The following COL22A1 variants were observed in gnomAD, a reference collection of about 807,000 sequenced individuals.
COL22A1 encodes the protein collagen type XXII alpha 1 chain.
COL22A1 carries 221 observed loss-of-function variants against 248.9 expected under a neutral mutation model. That is an observed-to-expected ratio of 0.89 (90% CI 0.80 to 0.99). The LOEUF (loss-of-function observed/expected upper bound fraction) is 0.99, where lower values mean the gene tolerates loss of function less well. Ranked by LOEUF, COL22A1 falls within the 50% of genes least tolerant of loss-of-function variation. COL22A1 has a pLI of 0.00. For synonymous variants in COL22A1, 891 were observed against 793.4 expected, an observed-to-expected ratio of 1.12 and a Z score of -2.07; for missense variants, 2,240 against 2,179.0, an observed-to-expected ratio of 1.03 and a Z score of -0.56.
chr8:138,604,688 T>C, intron 59 of COL22A1, 46 bp downstream of exon 59: 1 of 1,578,280 alleles, frequency 6.3e-7, no homozygotes. Flanking sequence ...GACTGCCCAT[T>C]GGTGGTAAAG....
At chr8:138,755,580 G>A in intron 19 of COL22A1, 69 bp from the exon 20 acceptor site, 1 of 1,525,984 alleles carries the variant, frequency 6.6e-7, no homozygotes, top group South Asian at 1.1e-5. Context: ...TCTCTCAGCT[G>A]CACTAAGGCC....
At chr8:138,787,494 C>T (rs556445851) in intron 12 of COL22A1, among the ~76,000 whole-genome samples, 1 of 152,214 alleles carries the variant, frequency 6.6e-6, no homozygotes, top group East Asian at 1.9e-4. Context: ...TGGTAAGAGG[C>T]CTTGAGAAAA....
chr8:138,900,960 T>C (rs1335363811), intron 1 of COL22A1, among the ~76,000 whole-genome samples: 2 of 152,188 alleles, frequency 1.3e-5, no homozygotes, highest in Non-Finnish European at 2.9e-5. Flanking sequence ...TTTTTTACAC[T>C]CTGTAAAAGG....
intron 38 of COL22A1, 152 bp from the exon 39 acceptor site, chr8:138,684,621 G>A: frequency 1.5e-6 from 1 of 660,212 alleles, no homozygotes. Context: ...ACAGAATCTG[G>A]TTTTGAGCCA....
At chr8:138,724,860 G>A (rs567667233) in intron 24 of COL22A1, among the ~76,000 whole-genome samples, 192 bp from the exon 25 acceptor site, 7 of 152,308 alleles carry the variant, frequency 4.6e-5, no homozygotes, top group East Asian at 3.9e-4. Flanking sequence ...CGTGGCTTGT[G>A]CGGCCTGCAG....
At chr8:138,737,604 T>A in intron 22 of COL22A1, 27 bp from the exon 23 acceptor site, 1 of 1,544,480 alleles carries the variant, frequency 6.5e-7, no homozygotes, top group Non-Finnish European at 8.9e-7. Context: ...AAGCTAAAAT[T>A]AACAAGCAGG....
chr8:138,813,992 G>C (rs990244283), intron 7 of COL22A1, among the ~76,000 whole-genome samples: 1 of 152,184 alleles, frequency 6.6e-6, no homozygotes, highest in African/African-American at 2.4e-5. Flanking sequence ...GACGTAACAC[G>C]TAAAAAACCT....
intron 48 of COL22A1, among the ~76,000 whole-genome samples, chr8:138,635,905 T>C (rs900151844): frequency 6.6e-6 from 1 of 152,234 alleles, no homozygotes; most frequent in Non-Finnish European, 1.5e-5. Context: ...TACTCGTTCA[T>C]GTCCCTCATG....
intron 1 of COL22A1, among the ~76,000 whole-genome samples, chr8:138,885,134 C>G (rs1824553625): frequency 6.6e-6 from 1 of 152,186 alleles, no homozygotes; most frequent in Non-Finnish European, 1.5e-5. Flanking sequence ...GTGCCTACTG[C>G]AGGGTCACCC....
chr8:138,839,570 CCACA>C (rs1007969615), intron 4 of COL22A1, among the ~76,000 whole-genome samples: 1 of 152,128 alleles, frequency 6.6e-6, no homozygotes, highest in Non-Finnish European at 1.5e-5. Context: ...CACTCTGCTC[CCACA>C]CAGAGTTCCA....
intron 35 of COL22A1, among the ~76,000 whole-genome samples, chr8:138,692,262 G>GGAGGTGTGTGTGTACATGCGTGTA (rs1564201708): frequency 7.0e-6 from 1 of 143,596 alleles, no homozygotes; most frequent in Admixed American, 7.0e-5. Flanking sequence ...GTGTGCGTGT[G>GGAGGTGTGTGTGTACATGCGTGTA]TGCATGTTTG....
At chr8:138,823,121 C>A (rs1011976241) in intron 6 of COL22A1, among the ~76,000 whole-genome samples, 4 of 152,196 alleles carry the variant, frequency 2.6e-5, no homozygotes, top group African/African-American at 9.7e-5. Context: ...TTTAACCTTT[C>A]TACAGCTTCC....
At chr8:138,845,548 A>T (rs902027424) in intron 3 of COL22A1, among the ~76,000 whole-genome samples, 8 of 128,198 alleles carry the variant, frequency 6.2e-5, no homozygotes, top group African/African-American at 2.2e-4. Flanking sequence ...AATAAATAAT[A>T]AAAAGTTGGA....
At chr8:138,852,426 T>C (rs980035357) in intron 3 of COL22A1, among the ~76,000 whole-genome samples, 1 of 152,192 alleles carries the variant, frequency 6.6e-6, no homozygotes, top group African/African-American at 2.4e-5. Flanking sequence ...CTCTGCCCTG[T>C]GCAGCTGTAA....
At chr8:138,834,646 A>G (rs911115062) in intron 4 of COL22A1, among the ~76,000 whole-genome samples, 39 of 152,146 alleles carry the variant, frequency 2.6e-4, no homozygotes, top group Non-Finnish European at 1.5e-4. Context: ...TCATCTGTAA[A>G]AAGGGGATTA....
chr8:138,682,581 C>T (rs1826046388), intron 39 of COL22A1, among the ~76,000 whole-genome samples: 1 of 152,208 alleles, frequency 6.6e-6, no homozygotes, highest in Non-Finnish European at 1.5e-5. Context: ...AGCTCATGCT[C>T]TTCTCTGAAC....
chr8:138,721,765 T>C (rs1289622371), intron 26 of COL22A1, among the ~76,000 whole-genome samples: 1 of 152,180 alleles, frequency 6.6e-6, no homozygotes, highest in Non-Finnish European at 1.5e-5. Flanking sequence ...GGCTAATTCC[T>C]GCCTAGGCCT....
intron 21 of COL22A1, among the ~76,000 whole-genome samples, chr8:138,752,723 A>G (rs1327266167): frequency 6.6e-6 from 1 of 152,238 alleles, no homozygotes; most frequent in Non-Finnish European, 1.5e-5. Context: ...CACTGTTTCC[A>G]TTTCGAGAAT....
chr8:138,771,603 C>T (rs10108719), intron 16 of COL22A1, among the ~76,000 whole-genome samples: 5,069 of 152,296 alleles, frequency 0.033, 277 homozygotes, highest in African/African-American at 0.11. Flanking sequence ...TGGAAAAAAG[C>T]CTGTTGCTTC....
Sources: gnomAD v4.1 joint callset for allele counts (sites outside exome capture counted in the v4.1 genomes callset) on GRCh38, gnomAD v4.1.1 for gene constraint, MANE v1.5 for transcripts, NCBI Gene and HGNC (gene_info 2026-07-23, HGNC 2026-07-21) for gene names.